OTUD5: variants seen among roughly 807,000 people sequenced by gnomAD.
The protein encoded by OTUD5 is OTU domain-containing protein 5.
Under a neutral mutation model 36.3 loss-of-function variants are expected in OTUD5, and 2 were observed. The observed-to-expected ratio is 0.06, with a 90% confidence interval of 0.02 to 0.17. The LOEUF (loss-of-function observed/expected upper bound fraction) is 0.17. OTUD5 is among the 10% of genes least tolerant of loss of function. The pLI, the probability that OTUD5 is intolerant of heterozygous loss-of-function variation, is 1.00. For synonymous variants in OTUD5, 234 were observed against 214.9 expected, an observed-to-expected ratio of 1.09 and a Z score of -0.78; for missense variants, 233 against 512.3, an observed-to-expected ratio of 0.45 and a Z score of 5.26.
At chrX:48,947,966 C>T (rs782343039) in intron 1 of OTUD5, among the ~76,000 whole-genome samples, 2 of 112,253 alleles carry the variant, frequency 1.8e-5, no homozygotes, top group African/African-American at 6.5e-5. Context: ...TAACTGAATA[C>T]CTGCCCCATG....
intron 5 of OTUD5, 95 bp from the exon 6 acceptor site, chrX:48,926,145 A>G: frequency 1.6e-6 from 1 of 622,949 alleles, no homozygotes. Flanking sequence ...CAGGCCCCAG[A>G]AAAAAAAGGA....
At chrX:48,957,609 G>C (rs1419345229), upstream of OTUD5, 1 of 819,210 alleles carries the variant, frequency 1.2e-6, no homozygotes, top group Non-Finnish European at 1.5e-6. Context: ...ACCCGGCGCG[G>C]GGCACGCCGG....
At chrX:48,943,202 G>A (rs2063963791) in intron 2 of OTUD5, among the ~76,000 whole-genome samples, 1 of 111,578 alleles carries the variant, frequency 9.0e-6, no homozygotes, top group Non-Finnish European at 1.9e-5. Context: ...ACCACAGGGA[G>A]GATCAGGTCA....
intron 5 of OTUD5, among the ~76,000 whole-genome samples, chrX:48,933,122 T>C (rs1557049197): frequency 8.9e-6 from 1 of 112,196 alleles, no homozygotes; most frequent in Non-Finnish European, 1.9e-5. Context: ...TATGACATTC[T>C]AGAAAAGGCA....
chrX:48,924,896 G>A (rs782355500), intron 6 of OTUD5, among the ~76,000 whole-genome samples: 114 of 111,813 alleles, frequency 1.0e-3, no homozygotes, highest in Non-Finnish European at 1.6e-3. Flanking sequence ...CAAGGACGGG[G>A]ATCTTGGTCT....
chrX:48,952,967 G>A (rs782016624), intron 1 of OTUD5, among the ~76,000 whole-genome samples: 5 of 112,429 alleles, frequency 4.4e-5, no homozygotes, highest in Non-Finnish European at 7.5e-5. Flanking sequence ...TGCCCATTCT[G>A]GGCAAGAGGA....
chrX:48,957,912 C>T (rs2064286117), upstream of OTUD5: 2 of 600,159 alleles, frequency 3.3e-6, no homozygotes, highest in Non-Finnish European at 4.0e-6. Context: ...AAACAAGCAC[C>T]TCTTCGCTCC....
At chrX:48,942,630 TAA>T (rs2063953603) in intron 2 of OTUD5, among the ~76,000 whole-genome samples, 1 of 108,815 alleles carries the variant, frequency 9.2e-6, no homozygotes, top group Non-Finnish European at 1.9e-5. Flanking sequence ...GTAGGAGGGA[TAA>T]GTTTTTTCCC....
At chrX:48,951,349 T>G (rs193224518) in intron 1 of OTUD5, among the ~76,000 whole-genome samples, 1,174 of 112,128 alleles carry the variant, frequency 0.01, 22 homozygotes, top group African/African-American at 0.036. Flanking sequence ...GCGTGGTGGC[T>G]CACGCCTGTA....
Position 48,935,061 on chromosome X carries a change from AGAG to A in OTUD5, c.689-46_689-44del, listed in dbSNP as rs782217685. On this transcript the variant is annotated intron_variant, in intron 2 of 8. Coordinates refer to ENST00000376488, the MANE Select transcript of OTUD5 (RefSeq NM_001136157.2). ...AGCAGCAGCTAGGGTCAGAGATGCC[AGAG>A]AAGAGCTCTGAATCATAGAACATCC... 7 of 1,099,222 alleles carry A rather than the reference AGAG, an allele frequency of 6.4e-6. No homozygotes were observed. In the Admixed American group the frequency reaches 1.1e-4, roughly 18 times the overall value. 90.6% of individuals were successfully genotyped at this position (1,099,222 alleles called of 1,213,427 possible).
In OTUD5 at chrX:48,931,977, C is replaced by T. The variant is rs142382831; in HGVS notation, c.1059+2487G>A. Among the ~76,000 whole-genome samples the T allele has an allele frequency of 0.017, 1,853 of 106,051 alleles. 98 individuals are homozygous for T. In the East Asian group the frequency reaches 0.22, roughly 12 times the overall value. The allele number at this position is 106,051 out of a possible 115,157, so 92.1% of individuals were successfully genotyped here. A position where few individuals can be genotyped will look rare whatever the true frequency, so the allele number is the denominator to read the frequency against. On this transcript the variant is annotated intron_variant, in intron 5 of 8. Transcript: ENST00000376488. ...ACCAGCCTTTGACATGGTGAAACCC[C>T]GTCTCTACTAAAAACACAAAAATTA...
chrX:48,942,495 C>T (rs988805168), intron 2 of OTUD5, among the ~76,000 whole-genome samples: 2 of 111,082 alleles, frequency 1.8e-5, no homozygotes, highest in Admixed American at 1.9e-4. Flanking sequence ...GGTCTCAACA[C>T]AGGGCCTAGC....
Position 48,923,059 on chromosome X carries a change from G to C in OTUD5, c.*115C>G. 8.5e-7 allele frequency: 1 copy of C among 1,175,887 alleles called. No individual in the cohort carries two copies. Among genetic ancestry groups the C allele is most frequent in the Non-Finnish European group, 1.1e-6 (1 of 876,066 alleles). ...AGGGAAGTGAGGAGGAGGGAAAAGA[G>C]GGGAGAGCAGAAAGAACAGAAGGAG... is the stretch of plus-strand genomic sequence containing the variant. On this transcript the variant is annotated 3_prime_UTR_variant, in exon 9 of 9. Coordinates refer to ENST00000376488, the MANE Select transcript of OTUD5 (RefSeq NM_001136157.2).
chrX:48,956,160 G>A (rs2064234291), intron 1 of OTUD5, among the ~76,000 whole-genome samples: 1 of 112,177 alleles, frequency 8.9e-6, no homozygotes, highest in Admixed American at 9.4e-5. Context: ...AGGAAATGCA[G>A]ACCTTTGTCA....
intron 1 of OTUD5, among the ~76,000 whole-genome samples, chrX:48,951,193 T>C (rs1557053763): frequency 9.0e-6 from 1 of 111,347 alleles, no homozygotes; most frequent in Non-Finnish European, 1.9e-5. Context: ...CATGGACAGA[T>C]GTCTTCCCAG....
At chrX:48,957,725 A>AGGCGGCGGCGGCGGCGGCGGCGGCGGT (rs1203143147), upstream of OTUD5, 3 of 368,205 alleles carry the variant, frequency 8.1e-6, no homozygotes, top group African/African-American at 8.7e-5. Context: ...TCGGCGGCGG[A>AGGCGGCGGCGGCGGCGGCGGCGGCGGT]GGAGGCGGCG....
Position 48,957,365 on chromosome X carries a change from C to A in OTUD5, c.206G>T (p.Gly69Val). The A allele has an allele frequency of 8.9e-7, 1 of 1,124,683 alleles. No individual in the cohort carries two copies. Among genetic ancestry groups the A allele is most frequent in the African/African-American group, 1.9e-5 (1 of 53,382 alleles). The allele number at this position is 1,124,683 out of a possible 1,213,427, so 92.7% of individuals were successfully genotyped here. A position where few individuals can be genotyped will look rare whatever the true frequency, so the allele number is the denominator to read the frequency against. The change falls in exon 1 of 9, where the codon GGC (glycine) becomes GTC (valine). Residue 69 changes from glycine (G) to valine (V), a missense_variant. Gly to Val is a moderately radical substitution (Grantham distance 109). Around this residue, in one of 3 missense-constraint regions of OTUD5, gnomAD observed 155 missense variants for 217.2 expected, o/e 0.71. Transcript: ENST00000376488. The stretch of plus-strand genomic sequence containing the variant: ...AGCGCCCGGCGGTCCTGGTAGCGGG[C>A]CTTGAGGCGGTGGCGAAGCTCGCGG... ...ARPRASPPPQGPLPGPPGALH... is the reference protein window; with the variant it reads ...ARPRASPPPQVPLPGPPGALH...
chrX:48,926,066 G>C lies in OTUD5; in HGVS notation c.1060-16C>G. 1 of 1,176,077 alleles carries C rather than the reference G, an allele frequency of 8.5e-7. No individual in the cohort carries two copies. The highest frequency in any genetic ancestry group is 2.4e-4 in the Middle Eastern group (1 of 4,223). The stretch of plus-strand genomic sequence containing the variant: ...GCTCTGCAAACTGCAAGGAGGGAGA[G>C]GAACAGGGATGTGCAATAACACACT... On this transcript the variant is annotated splice_polypyrimidine_tract_variant and intron_variant, in intron 5 of 8. Coordinates refer to ENST00000376488, the MANE Select transcript of OTUD5 (RefSeq NM_001136157.2).
chrX:48,938,749 C>T (rs2063871187), intron 2 of OTUD5, among the ~76,000 whole-genome samples: 2 of 111,316 alleles, frequency 1.8e-5, no homozygotes, highest in Admixed American at 1.9e-4. Flanking sequence ...CCTCTGTCCT[C>T]CAGAAAGCCC....
Sources: allele counts gnomAD v4.1 joint callset (sites outside exome capture counted in the v4.1 genomes callset), GRCh38; gene constraint gnomAD v4.1.1; regional missense constraint gnomAD v4.1.1; transcripts MANE v1.5; gene names NCBI Gene and HGNC (gene_info 2026-07-23, HGNC 2026-07-21).